Variants in RABEP2 observed in about 807,000 individuals in gnomAD.
The protein encoded by RABEP2 is rab GTPase-binding effector protein 2.
RABEP2 carries 57 observed loss-of-function variants against 74.1 expected under a neutral mutation model. The observed-to-expected ratio is 0.77, with a 90% CI of 0.62 to 0.96. RABEP2 has a LOEUF of 0.96. RABEP2 is among the 40% of genes least tolerant of loss of function. RABEP2 has a pLI of 0.00. For synonymous variants in RABEP2, 351 were observed against 344.0 expected, an observed-to-expected ratio of 1.02 and a Z score of -0.23; for missense variants, 692 against 756.3, an observed-to-expected ratio of 0.91 and a Z score of 1.00.
chr16:28,908,723 T>C lies in RABEP2; in HGVS notation c.1131A>G (p.Val377=), dbSNP rs75980703. The stretch of plus-strand genomic sequence containing the variant: ...CTTGGTTTTCCTCATTCAACCGCTT[T>C]ACCTCATGGTGCAGGCACTTGTGGG... ...VTTHKCLHHE[V]KRLNEENQGL... Residue 377 remains valine, a synonymous_variant, in exon 8 of 13, where the codon GTA becomes GTG. Coordinates refer to ENST00000358201, the MANE Select transcript of RABEP2 (RefSeq NM_024816.3). 2.3e-4 allele frequency: 373 copies of C among 1,614,180 alleles called. No individual in the cohort carries two copies. In the African/African-American group the frequency reaches 4.3e-3, roughly 19 times the overall value.
chr16:28,906,167 CCG>C lies in RABEP2; in HGVS notation c.1273_1274del (p.Arg425AlafsTer97), dbSNP rs1449287693. 6 of 1,590,028 alleles carry C rather than the reference CCG, an allele frequency of 3.8e-6. No individual in the cohort carries two copies. Among genetic ancestry groups the C allele is most frequent in the Non-Finnish European group, 5.1e-6 (6 of 1,173,780 alleles). ...CCTGCAGCCGGGCCCTCGCCTCTTG[CCG>C]CGTGCAGCACAGCAGCTGCTGCAGC... Reference protein sequence around the residue: ...PELQQLLCCTRQEARARLQAQ... With the variant: ...PELQQLLCCTXQEARARLQAQ... On this transcript the variant is annotated frameshift_variant, in exon 9 of 13. Transcript: ENST00000358201. LOFTEE classifies it high-confidence loss of function.
chr16:28,924,701 T>C (rs572453882), intron 1 of RABEP2, 86 bp from the exon 2 acceptor site: 5 of 1,245,622 alleles, frequency 4.0e-6, no homozygotes, highest in African/African-American at 1.5e-5. Context: ...CTAGTACTGT[T>C]GCCTTCATCT....
chr16:28,917,545 G>A (rs1053969561), intron 3 of RABEP2, among the ~76,000 whole-genome samples: 1 of 152,134 alleles, frequency 6.6e-6, no homozygotes, highest in East Asian at 1.9e-4. Context: ...TCAGTCTTCC[G>A]AGTAGCTGGG....
chr16:28,912,746 G>A (rs1286295219), intron 5 of RABEP2, among the ~76,000 whole-genome samples: 1 of 152,046 alleles, frequency 6.6e-6, no homozygotes, highest in Non-Finnish European at 1.5e-5. Context: ...GAGCCGGGAG[G>A]CTTCTCCGTT....
At chr16:28,922,902 A>T (rs1463424100) in intron 2 of RABEP2, among the ~76,000 whole-genome samples, 3 of 151,882 alleles carry the variant, frequency 2.0e-5, no homozygotes, top group Non-Finnish European at 4.4e-5. Flanking sequence ...AGAAAAAAAA[A>T]AAAATAGGTT....
In RABEP2 at chr16:28,925,098, C is replaced by G; in HGVS notation, c.61+5G>C. ...CCCCGCTTGCACGGACGCCCCCTCA[C>G]GTACCAGCCCCCGGCCGCCGCCGCC... is the stretch of plus-strand genomic sequence containing the variant. On this transcript the variant is annotated splice_donor_5th_base_variant and intron_variant, in intron 1 of 12. Coordinates refer to ENST00000358201, the MANE Select transcript of RABEP2 (RefSeq NM_024816.3). 6.5e-7 allele frequency: 1 copy of G among 1,544,132 alleles called. No individual in the cohort carries two copies. The highest frequency in any genetic ancestry group is 8.7e-7 in the Non-Finnish European group (1 of 1,152,518).
rs1209119505 is a variant in RABEP2, at chr16:28,914,248, C to G, written c.882G>C (p.Gln294His). The G allele has an allele frequency of 6.2e-7, 1 of 1,601,752 alleles. No individual in the cohort carries two copies. The highest frequency in any genetic ancestry group is 8.5e-7 in the Non-Finnish European group (1 of 1,174,834). Reference protein sequence around the residue: ...YQLVPDTQWEQLQTEGRQLQK... With the variant: ...YQLVPDTQWEHLQTEGRQLQK... ...CCACAACACTCACCTCTGTCTGCAGCTGCTCCCACTGAGTGTCTGGGACGA... is the reference window on the plus strand; with the variant it reads ...CCACAACACTCACCTCTGTCTGCAGGTGCTCCCACTGAGTGTCTGGGACGA... Residue 294 changes from glutamine (Q) to histidine (H), a missense_variant, in exon 5 of 13, where the codon CAG becomes CAC. Physicochemically the swap from Gln to His is conservative, Grantham distance 24. Transcript: ENST00000358201.
At chr16:28,914,091 T>A (rs1304196180) in intron 5 of RABEP2, 145 bp downstream of exon 5, 1 of 675,222 alleles carries the variant, frequency 1.5e-6, no homozygotes, top group Admixed American at 3.1e-5. Flanking sequence ...CATGTTTACA[T>A]CTGCCTGCCT....
At chr16:28,912,877 C>T (rs573880763) in intron 5 of RABEP2, among the ~76,000 whole-genome samples, 2 of 152,286 alleles carry the variant, frequency 1.3e-5, no homozygotes, top group South Asian at 4.1e-4. Flanking sequence ...TCCCCGGTGG[C>T]CTTCCTGTTC....
At position 28,919,911 on chromosome 16, in the gene RABEP2, C is replaced by A; in HGVS notation, c.307G>T (p.Ala103Ser). ...SISSYEAQIT[A>S]LKQERQQQQQ... ...TGCTGCTGTCGCTCCTGCTTCAGGG[C>A]GGTGATCTGGGCTTCATAGCTGCTG... The change falls in exon 3 of 13, where the codon GCC becomes TCC. Residue 103 changes from alanine (A) to serine (S), a missense_variant. Ala to Ser is a moderately conservative substitution (Grantham distance 99). Transcript: ENST00000358201. The A allele has an allele frequency of 3.7e-6, 5 of 1,355,416 alleles. No homozygotes were observed. The highest frequency in any genetic ancestry group is 4.5e-5 in the East Asian group (1 of 22,334). The allele number at this position is 1,355,416 out of a possible 1,614,324, so 84.0% of individuals were successfully genotyped here.
intron 1 of RABEP2, 71 bp from the exon 2 acceptor site, chr16:28,924,686 G>A: frequency 7.2e-7 from 1 of 1,393,080 alleles, no homozygotes; most frequent in Non-Finnish European, 1.0e-6. Flanking sequence ...AGCAAGTCCT[G>A]CAACCTAGTA....
Position 28,909,462 on chromosome 16 carries a change from T to G in RABEP2, c.1090-698A>C, listed in dbSNP as rs942894666. ...GCGTGGTGCCACACACCTATAACCC[T>G]GGCTATGGGGGAGGCCAAGGTGGGA... On this transcript the variant is annotated intron_variant, in intron 7 of 12. Coordinates refer to ENST00000358201, the MANE Select transcript of RABEP2 (RefSeq NM_024816.3). 2.0e-5 allele frequency among the ~76,000 whole-genome samples: 3 copies of G among 152,150 alleles called. No individual in the cohort carries two copies. The East Asian group carries it at 5.8e-4, about 29-fold the overall frequency.
At chr16:28,907,499 T>C (rs960581449) in intron 8 of RABEP2, among the ~76,000 whole-genome samples, 4 of 151,938 alleles carry the variant, frequency 2.6e-5, no homozygotes, top group African/African-American at 7.3e-5. Context: ...GGGTCTTGCT[T>C]TGTTGCCCAG....
intron 3 of RABEP2, chr16:28,917,696 A>G (rs1167696049): frequency 6.6e-6 from 1 of 152,348 alleles, no homozygotes; most frequent in Non-Finnish European, 1.5e-5. Flanking sequence ...GGCTAGGATT[A>G]CAGGCGTGGG....
intron 8 of RABEP2, among the ~76,000 whole-genome samples, chr16:28,907,106 C>G (rs2152218252): frequency 6.6e-6 from 1 of 150,534 alleles, no homozygotes; most frequent in South Asian, 2.1e-4. Context: ...CGGAAGTGGA[C>G]AGATCTCAGG....
intron 2 of RABEP2, 150 bp downstream of exon 2, chr16:28,924,252 AG>A (rs1321572900): frequency 1.4e-6 from 1 of 698,302 alleles, no homozygotes; most frequent in Non-Finnish European, 2.4e-6. Flanking sequence ...AAATTTTAAA[AG>A]GGCGGCCCTT....
Position 28,908,598 on chromosome 16 carries a change from A to G in RABEP2, c.1245+11T>C. On this transcript the variant is annotated intron_variant, in intron 8 of 12. Transcript: ENST00000358201. ...GTGGCTCCAGGCTCTCAGTGCCCAC[A>G]CTCAGCTTACTGGCACAGAGCTGGG... 2 of 1,601,618 alleles carry G rather than the reference A, an allele frequency of 1.2e-6. No homozygotes were observed. Among genetic ancestry groups the G allele is most frequent in the East Asian group, 2.2e-5 (1 of 44,596 alleles).
Position 28,905,413 on chromosome 16 carries a change from A to T in RABEP2, c.1592T>A (p.Leu531Gln), listed in dbSNP as rs1376707625. Residue 531 changes from leucine (L) to glutamine (Q), a missense_variant, in exon 12 of 13, where the codon CTG becomes CAG. Coordinates refer to ENST00000358201, the MANE Select transcript of RABEP2 (RefSeq NM_024816.3). ...SEQVQRDFVR[L>Q]SQALQVRLER... Reference sequence around the variant, plus strand: ...AGGCCATACCTGCAGGGCCTGGGACAGTCGCACGAAATCCCTCTGCACCTG... The same window carrying T: ...AGGCCATACCTGCAGGGCCTGGGACTGTCGCACGAAATCCCTCTGCACCTG... The T allele has an allele frequency of 1.2e-6, 2 of 1,606,384 alleles. No individual in the cohort carries two copies. Among genetic ancestry groups the T allele is most frequent in the South Asian group, 2.2e-5 (2 of 89,208 alleles).
chr16:28,913,235 C>T (rs775412402), intron 5 of RABEP2, among the ~76,000 whole-genome samples: 2 of 150,312 alleles, frequency 1.3e-5, no homozygotes, highest in Admixed American at 6.6e-5. Flanking sequence ...CGGCCTGCCC[C>T]GGTCTTTAAG....
Sources: gnomAD v4.1 joint callset for allele counts (sites outside exome capture counted in the v4.1 genomes callset) on GRCh38, gnomAD v4.1.1 for gene constraint, MANE v1.5 for transcripts, NCBI Gene and HGNC (gene_info 2026-07-23, HGNC 2026-07-21) for gene names.